Variants in SDK1 observed in about 807,000 individuals in gnomAD.
The protein encoded by SDK1 is sidekick cell adhesion molecule 1.
Under a neutral mutation model 245.5 loss-of-function variants are expected in SDK1, and 157 were observed. That is an observed-to-expected ratio of 0.64 (90% confidence interval 0.56 to 0.73). SDK1 has a LOEUF of 0.73. SDK1 is among the 30% of genes least tolerant of loss of function. The pLI, the probability that SDK1 is intolerant of heterozygous loss-of-function variation, is 0.00. For missense variants in SDK1, 3,583 were observed against 3,002.3 expected, an observed-to-expected ratio of 1.19 and a Z score of -4.52; for synonymous variants, 1,647 against 1,278.5, an observed-to-expected ratio of 1.29 and a Z score of -6.15.
intron 4 of SDK1, among the ~76,000 whole-genome samples, chr7:3,654,452 G>A (rs927954133): frequency 2.0e-5 from 3 of 152,284 alleles, no homozygotes; most frequent in East Asian, 1.9e-4. Flanking sequence ...TGAGGATTTC[G>A]TGTTTTCTTT....
At chr7:3,590,013 G>C (rs1780812508) in intron 1 of SDK1, among the ~76,000 whole-genome samples, 1 of 152,204 alleles carries the variant, frequency 6.6e-6, no homozygotes, top group South Asian at 2.1e-4. Flanking sequence ...TGCTAGGCCA[G>C]GATATACGTG....
At chr7:4,037,096 T>C (rs1486869970) in intron 17 of SDK1, among the ~76,000 whole-genome samples, 1 of 152,212 alleles carries the variant, frequency 6.6e-6, no homozygotes, top group African/African-American at 2.4e-5. Context: ...CATAGATTCT[T>C]GCAAAACTCT....
chr7:3,403,026 C>A (rs1778932499), intron 1 of SDK1, among the ~76,000 whole-genome samples: 2 of 152,054 alleles, frequency 1.3e-5, no homozygotes, highest in African/African-American at 4.8e-5. Context: ...CCTCTGCCTC[C>A]CGGGTTCAAG....
At chr7:3,812,062 C>T (rs1286125088) in intron 4 of SDK1, among the ~76,000 whole-genome samples, 1 of 152,204 alleles carries the variant, frequency 6.6e-6, no homozygotes, top group Non-Finnish European at 1.5e-5. Flanking sequence ...GCAGCTCTTG[C>T]CAGTAAGATA....
chr7:4,157,464 GA>G lies in SDK1; in HGVS notation c.4626-983del, dbSNP rs372839809. Among the ~76,000 whole-genome samples the G allele has an allele frequency of 2.7e-4, 12 of 44,664 alleles. 1 individual carries two copies. In the South Asian group the frequency reaches 3.0e-3, roughly 11 times the overall value. The allele number at this position is 44,664 out of a possible 152,430, so 29.3% of individuals were successfully genotyped here. A position where few individuals can be genotyped will look rare whatever the true frequency, so the allele number is the denominator to read the frequency against. ...AAGGAGGGAAGGGAGGTGGAAGGGA[GA>G]GAAGGAAGGAGGGAAGGAAGGGAGG... On this transcript the variant is annotated intron_variant, in intron 30 of 44. Coordinates refer to ENST00000404826, the MANE Select transcript of SDK1 (RefSeq NM_152744.4).
intron 23 of SDK1, 21 bp downstream of exon 23, chr7:4,110,793 C>G (rs779861889): frequency 1.3e-6 from 2 of 1,553,460 alleles, no homozygotes; most frequent in Non-Finnish European, 1.8e-6. Flanking sequence ...CAGTGATAAG[C>G]TGTTACAGGA....
At chr7:4,093,104 T>G (rs993449870) in intron 22 of SDK1, among the ~76,000 whole-genome samples, 14 of 151,922 alleles carry the variant, frequency 9.2e-5, no homozygotes, top group African/African-American at 1.7e-4. Context: ...GATGCTCAGA[T>G]GTGGGTTGCC....
At chr7:3,349,468 G>C (rs1323331997) in intron 1 of SDK1, among the ~76,000 whole-genome samples, 2 of 152,210 alleles carry the variant, frequency 1.3e-5, no homozygotes, top group African/African-American at 4.8e-5. Context: ...ACTGAACACA[G>C]TGTCCATGAA....
chr7:3,551,560 G>T (rs969395751), intron 1 of SDK1, among the ~76,000 whole-genome samples: 32 of 143,746 alleles, frequency 2.2e-4, no homozygotes, highest in Non-Finnish European at 4.4e-4. Flanking sequence ...TGCCTCATTG[G>T]TTTTTTTTTT....
chr7:3,511,616 C>G lies in SDK1; in HGVS notation c.299-107464C>G, dbSNP rs1366589020. 5.9e-5 allele frequency among the ~76,000 whole-genome samples: 9 copies of G among 151,954 alleles called. No individual in the cohort carries two copies. The South Asian group carries it at 1.9e-3, about 32-fold the overall frequency. On this transcript the variant is annotated intron_variant, in intron 1 of 44. Coordinates refer to ENST00000404826, the MANE Select transcript of SDK1 (RefSeq NM_152744.4). The stretch of plus-strand genomic sequence containing the variant: ...TGTTGATCTTTCTAACCCTCTAGTT[C>G]AGTTTTTTCTGGGTGATTGTGTTAA...
At chr7:4,193,368 ATATT>A (rs1167935285) in intron 35 of SDK1, among the ~76,000 whole-genome samples, 4 of 60,304 alleles carry the variant, frequency 6.6e-5, no homozygotes, top group African/African-American at 1.5e-4. Flanking sequence ...ATATATTAAA[ATATT>A]TATATATATA....
intron 7 of SDK1, among the ~76,000 whole-genome samples, chr7:3,955,766 G>T (rs1386892694): frequency 2.0e-5 from 3 of 152,230 alleles, no homozygotes; most frequent in Admixed American, 6.5e-5. Flanking sequence ...GCATGGTGTT[G>T]TTGGGGGGTC....
Position 3,962,679 on chromosome 7 carries a change from G to A in SDK1, c.1257G>A (p.Gln419=), listed in dbSNP as rs769036943. The A allele has an allele frequency of 6.8e-6, 11 of 1,612,708 alleles. No individual in the cohort carries two copies. The highest frequency in any genetic ancestry group is 6.7e-5 in the Admixed American group (4 of 59,834). The change falls in exon 9 of 45, where the codon CAG becomes CAA. Residue 419 remains glutamine, a synonymous_variant. Coordinates refer to ENST00000404826, the MANE Select transcript of SDK1 (RefSeq NM_152744.4). ...CAGGGGTCCCCCTTCCCACCCTCCA[G>A]TGGTACAAGGATGCCATCTCCATCA... ...QAMGVPLPTL[Q]WYKDAISISR...
chr7:3,696,580 G>GTGTGTGTC (rs1488629337), intron 4 of SDK1, among the ~76,000 whole-genome samples: 1 of 151,654 alleles, frequency 6.6e-6, no homozygotes, highest in African/African-American at 2.4e-5. Flanking sequence ...GTTTGTGTGT[G>GTGTGTGTC]TGTGTGTGTG....
intron 4 of SDK1, among the ~76,000 whole-genome samples, chr7:3,754,784 T>C (rs1168730286): frequency 6.6e-6 from 1 of 152,204 alleles, no homozygotes; most frequent in Non-Finnish European, 1.5e-5. Context: ...AGTACCCGAT[T>C]CACTAAACAG....
chr7:3,771,708 A>G (rs1029347739), intron 4 of SDK1, among the ~76,000 whole-genome samples: 5 of 152,140 alleles, frequency 3.3e-5, no homozygotes, highest in African/African-American at 1.2e-4. Flanking sequence ...GTCCTTTTAA[A>G]AGTATGTAGC....
intron 17 of SDK1, among the ~76,000 whole-genome samples, chr7:4,031,274 G>A (rs1181900102): frequency 6.6e-6 from 1 of 152,014 alleles, no homozygotes; most frequent in African/African-American, 2.4e-5. Flanking sequence ...AAAATCTAAA[G>A]CCAAAATAAT....
intron 23 of SDK1, among the ~76,000 whole-genome samples, chr7:4,113,081 T>G (rs1783453353): frequency 6.6e-6 from 1 of 152,162 alleles, no homozygotes; most frequent in Admixed American, 6.5e-5. Flanking sequence ...AGTGCTAGGA[T>G]TACAGGTGTG....
chr7:3,718,271 G>A (rs1229847694), intron 4 of SDK1, among the ~76,000 whole-genome samples: 5 of 152,076 alleles, frequency 3.3e-5, no homozygotes, highest in Non-Finnish European at 7.4e-5. Flanking sequence ...AGGCCGAGAT[G>A]GGTGGAATCA....
Sources: gnomAD v4.1 joint callset for allele counts (sites outside exome capture counted in the v4.1 genomes callset) on GRCh38, gnomAD v4.1.1 for gene constraint, MANE v1.5 for transcripts, NCBI Gene and HGNC (gene_info 2026-07-23, HGNC 2026-07-21) for gene names.